The following ECM1 variants were observed in gnomAD, a reference collection of about 807,000 sequenced individuals.
ECM1 encodes secretory component p85.
In ECM1, 54 loss-of-function variants were observed where a neutral mutation model predicts 57.9. The ratio of observed to expected loss-of-function variants is 0.93; its 90% CI spans 0.75 to 1.17. The LOEUF is 1.17. Ranked by LOEUF, ECM1 falls within the 50% of genes most tolerant of loss-of-function variation. The probability of loss-of-function intolerance (pLI) is 0.00; values close to 1 mark genes in which losing one functional copy is unlikely to be tolerated. For missense variants in ECM1, 649 were observed against 688.1 expected (o/e 0.94, Z 0.64); for synonymous variants, 237 against 259.1 (o/e 0.91, Z 0.82).
rs776346697 is a variant in ECM1, at chr1:150,508,236, G to A, written c.27G>A (p.Leu9=). 1 of 1,614,102 alleles carries A rather than the reference G, an allele frequency of 6.2e-7. No individual in the cohort carries two copies. The highest frequency in any genetic ancestry group is 8.5e-7 in the Non-Finnish European group (1 of 1,180,042). Residue 9 remains leucine, a synonymous_variant, in exon 1 of 10, where the codon TTG becomes TTA. Coordinates refer to ENST00000369047, the MANE Select transcript of ECM1 (RefSeq NM_004425.4). MGTTARAA[L]VLTYLAVASA... ...TGGGGACCACAGCCAGAGCAGCCTTGGTCTTGACCTATTTGGCTGTTGCTT... is the reference window on the plus strand; with the variant it reads ...TGGGGACCACAGCCAGAGCAGCCTTAGTCTTGACCTATTTGGCTGTTGCTT...
chr1:150,509,307 T>TG, intron 1 of ECM1: 1 of 617,096 alleles, frequency 1.6e-6, no homozygotes, highest in Non-Finnish European at 2.9e-6. Context: ...CCAGTAGAGG[T>TG]GGAGCTATCA....
chr1:150,512,535 G>A lies in ECM1; in HGVS notation c.1267G>A (p.Gly423Ser). 1 of 1,613,670 alleles carries A rather than the reference G, an allele frequency of 6.2e-7. No homozygotes were observed. Among genetic ancestry groups the A allele is most frequent in the African/African-American group, 1.3e-5 (1 of 74,828 alleles). ...CGGTCGAGTCACCCCCAACCTCATG[G>A]GCCACCTCTGTGGAAACCAAAGAGT... ...DIGRVTPNLM[G>S]HLCGNQRVLT... The change falls in exon 8 of 10, where the codon GGC becomes AGC. Residue 423 changes from glycine to serine, a missense_variant. Physicochemically the swap from Gly to Ser is moderately conservative, Grantham distance 56. Transcript: ENST00000369047.
intron 1 of ECM1, 100 bp from the exon 2 acceptor site, chr1:150,509,431 T>G: frequency 7.5e-7 from 1 of 1,338,804 alleles, no homozygotes; most frequent in Non-Finnish European, 1.1e-6. Flanking sequence ...GTGTCTTGCT[T>G]GTCTGTCCTA....
intron 9 of ECM1, 123 bp from the exon 10 acceptor site, chr1:150,513,114 G>A (rs587649596): frequency 5.8e-6 from 6 of 1,038,596 alleles, no homozygotes; most frequent in Non-Finnish European, 8.8e-6. Context: ...TGGGCCCCAG[G>A]AGGGGAACGA....
At position 150,511,723 on chromosome 1, in the gene ECM1, G is replaced by C. The variant is rs750123295; in HGVS notation, c.975G>C (p.Leu325=). ...LRRFRSVPRN[L]PATDPLQREL... ...GCTTCCGCTCTGTGCCACGCAACCT[G>C]CCAGCTACTGACCCCCTACAAAGGG... The change falls in exon 7 of 10, where the codon CTG becomes CTC. Residue 325 remains leucine (L), a synonymous_variant. Transcript: ENST00000369047. The C allele has an allele frequency of 1.2e-6, 2 of 1,613,994 alleles. No individual in the cohort carries two copies. Among genetic ancestry groups the C allele is most frequent in the African/African-American group, 2.7e-5 (2 of 74,916 alleles).
chr1:150,511,597 C>T lies in ECM1; in HGVS notation c.849C>T (p.Ala283=), dbSNP rs1285740913. The T allele has an allele frequency of 5.6e-6, 9 of 1,614,190 alleles. No individual in the cohort carries two copies. Among genetic ancestry groups the T allele is most frequent in the Non-Finnish European group, 6.8e-6 (8 of 1,180,030 alleles). Residue 283 remains alanine (A), a synonymous_variant, in exon 7 of 10, where the codon GCC becomes GCT. Coordinates refer to ENST00000369047, the MANE Select transcript of ECM1 (RefSeq NM_004425.4). The stretch of plus-strand genomic sequence containing the variant: ...CCCAGCCACACTACCAGCTCCGGGC[C>T]TGCCCCAGCCATCAGCCTGATATTT... ...EAPQPHYQLR[A]CPSHQPDISS... is the part of the protein sequence containing the mutation.
chr1:150,511,353 A>G (rs1290584015), intron 6 of ECM1, 104 bp from the exon 7 acceptor site: 1 of 1,604,626 alleles, frequency 6.2e-7, no homozygotes, highest in East Asian at 2.2e-5. Flanking sequence ...GGAGCAGAGG[A>G]CAACCACTGT....
Position 150,509,905 on chromosome 1 carries a change from C to T in ECM1, c.224-17C>T, listed in dbSNP as rs1452090533. ...TAGGAGAAAGGGTGGGCTGCTCACA[C>T]ATTCCCCCTTCTATAGTGCAGCCCC... On this transcript the variant is annotated splice_polypyrimidine_tract_variant and intron_variant, in intron 3 of 9. Coordinates refer to ENST00000369047, the MANE Select transcript of ECM1 (RefSeq NM_004425.4). 1.1e-5 allele frequency: 17 copies of T among 1,613,956 alleles called. No individual in the cohort carries two copies. Among genetic ancestry groups the T allele is most frequent in the Non-Finnish European group, 1.4e-5 (16 of 1,179,930 alleles).
At chr1:150,509,318 G>A (rs1670367556) in intron 1 of ECM1, 1 of 629,022 alleles carries the variant, frequency 1.6e-6, no homozygotes, top group African/African-American at 1.8e-5. Flanking sequence ...GGAGCTATCA[G>A]ACCGCCACAG....
At chr1:150,510,223 G>A in intron 5 of ECM1, 41 bp downstream of exon 5, 1 of 1,587,508 alleles carries the variant, frequency 6.3e-7, no homozygotes, top group African/African-American at 1.3e-5. Flanking sequence ...TTTACCTCAT[G>A]GCCTTCCCCC....
At position 150,512,499 on chromosome 1, in the gene ECM1, A is replaced by G. The variant is rs746613063; in HGVS notation, c.1231A>G (p.Thr411Ala). The change falls in exon 8 of 10, where the codon ACC becomes GCC. Residue 411 changes from threonine to alanine, a missense_variant. Coordinates refer to ENST00000369047, the MANE Select transcript of ECM1 (RefSeq NM_004425.4). ...PYPNYDRDIL[T>A]IDIGRVTPNL... ...CCCCAACTATGACCGGGACATCTTG[A>G]CCATTGACATCGGTCGAGTCACCCC... The G allele has an allele frequency of 6.2e-7, 1 of 1,613,562 alleles. No homozygotes were observed. Among genetic ancestry groups the G allele is most frequent in the East Asian group, 2.2e-5 (1 of 44,836 alleles).
In ECM1 at chr1:150,512,506, A is replaced by C. The variant is rs761289207; in HGVS notation, c.1238A>C (p.Asp413Ala). Residue 413 changes from aspartate to alanine, a missense_variant, in exon 8 of 10, where the codon GAC becomes GCC. Physicochemically the swap from Asp to Ala is moderately radical, Grantham distance 126. Transcript: ENST00000369047. The part of the protein sequence containing the change: ...PNYDRDILTI[D>A]IGRVTPNLMG... ...TATGACCGGGACATCTTGACCATTG[A>C]CATCGGTCGAGTCACCCCCAACCTC... 1 of 1,613,712 alleles carries C rather than the reference A, an allele frequency of 6.2e-7. No individual in the cohort carries two copies.
At chr1:150,512,250 G>A in intron 7 of ECM1, 102 bp from the exon 8 acceptor site, 1 of 1,337,658 alleles carries the variant, frequency 7.5e-7, no homozygotes, top group Non-Finnish European at 1.1e-6. Context: ...CTCTCGGGCT[G>A]GGAGCCCCTC....
chr1:150,508,135 C>A lies in ECM1; in HGVS notation c.-75C>A. 1.4e-6 allele frequency: 2 copies of A among 1,388,556 alleles called. No individual in the cohort carries two copies. Among genetic ancestry groups the A allele is most frequent in the South Asian group, 1.2e-5 (1 of 86,502 alleles). The allele number at this position is 1,388,556 out of a possible 1,614,324, so 86.0% of individuals were successfully genotyped here. A position where few individuals can be genotyped will look rare whatever the true frequency, so the allele number is the denominator to read the frequency against. On this transcript the variant is annotated 5_prime_UTR_variant, in exon 1 of 10. Coordinates refer to ENST00000369047, the MANE Select transcript of ECM1 (RefSeq NM_004425.4). ...ACCGTAACAGCCACCAGACAAGCTT[C>A]AGTGGCCGGCCCTTCACATCCAGAC... is the stretch of plus-strand genomic sequence containing the variant.
chr1:150,510,758 C>A, intron 5 of ECM1, 118 bp from the exon 6 acceptor site: 1 of 1,033,102 alleles, frequency 9.7e-7, no homozygotes, highest in Non-Finnish European at 1.5e-6. Context: ...TTTCTCATTT[C>A]CACTATATCC....
At chr1:150,510,238 C>A in intron 5 of ECM1, 56 bp downstream of exon 5, 1 of 1,544,288 alleles carries the variant, frequency 6.5e-7, no homozygotes, top group Non-Finnish European at 9.0e-7. Flanking sequence ...TCCCCCAGAG[C>A]ATGGGCTTCG....
At position 150,513,659 on chromosome 1, in the gene ECM1, C is replaced by G; in HGVS notation, c.*192C>G. On this transcript the variant is annotated 3_prime_UTR_variant, in exon 10 of 10. Transcript: ENST00000369047. ...CTGGCGTTTTCAGACACACCACAGA[C>G]AAACACACCCTCCTAAGCCTGCTTG... The G allele has an allele frequency of 3.4e-6, 2 of 583,618 alleles. No homozygotes were observed. The highest frequency in any genetic ancestry group is 3.0e-6 in the Non-Finnish European group (1 of 328,076). 36.2% of individuals were successfully genotyped at this position (583,618 alleles called of 1,614,324 possible).
In ECM1 at chr1:150,508,364, T is replaced by G. The variant is rs189125874; in HGVS notation, c.70+85T>G. ...CCAGGCATCCCAGACGGCTCATCAC[T>G]AGCAGAGTGATTCTCCGTTTGGCTT... On this transcript the variant is annotated intron_variant, in intron 1 of 9. Coordinates refer to ENST00000369047, the MANE Select transcript of ECM1 (RefSeq NM_004425.4). 3.3e-4 allele frequency: 432 copies of G among 1,291,366 alleles called. 5 individuals are homozygous for G. In the East Asian group the frequency reaches 9.8e-3, roughly 29 times the overall value. The allele number at this position is 1,291,366 out of a possible 1,614,324, so 80.0% of individuals were successfully genotyped here. A position where few individuals can be genotyped will look rare whatever the true frequency, so the allele number is the denominator to read the frequency against.
chr1:150,511,956 C>T, intron 7 of ECM1, 125 bp downstream of exon 7: 1 of 1,307,996 alleles, frequency 7.6e-7, no homozygotes, highest in African/African-American at 1.5e-5. Flanking sequence ...CGTTCATCTG[C>T]TTGTGGCTGT....
Sources: allele counts gnomAD v4.1 joint callset, GRCh38; gene constraint gnomAD v4.1.1; transcripts MANE v1.5; gene names NCBI Gene and HGNC (gene_info 2026-07-23, HGNC 2026-07-21).